The following TENM4 variants were observed in gnomAD, a reference collection of about 807,000 sequenced individuals.
TENM4 encodes teneurin transmembrane protein 4.
TENM4 carries 82 observed loss-of-function variants against 243.3 expected under a neutral mutation model. The ratio of observed to expected loss-of-function variants is 0.34; its 90% CI spans 0.28 to 0.40. The LOEUF (loss-of-function observed/expected upper bound fraction) is 0.40, where lower values mean the gene tolerates loss of function less well. Among genes scored for constraint, TENM4 ranks in the 10% least tolerant of loss-of-function variants. The pLI is 1.00. For synonymous variants in TENM4, 1,412 were observed against 1,456.3 expected (o/e 0.97, Z 0.69); for missense variants, 3,138 against 3,673.3 (o/e 0.85, Z 3.77).
intron 2 of TENM4, among the ~76,000 whole-genome samples, chr11:79,250,615 C>T (rs1855593703): frequency 6.6e-6 from 1 of 152,160 alleles, no homozygotes; most frequent in African/African-American, 2.4e-5. Context: ...GGTTTCCAGG[C>T]CTTAAAAAAA....
intron 2 of TENM4, among the ~76,000 whole-genome samples, chr11:79,234,753 A>G (rs1864432095): frequency 6.6e-6 from 1 of 152,244 alleles, no homozygotes; most frequent in Admixed American, 6.5e-5. Flanking sequence ...GTGGGAATGG[A>G]GGTGGGTTTA....
intron 6 of TENM4, among the ~76,000 whole-genome samples, chr11:78,972,931 A>G (rs1857576248): frequency 6.6e-6 from 1 of 152,200 alleles, no homozygotes; most frequent in African/African-American, 2.4e-5. Context: ...GGATCATATA[A>G]TATGTGCTCT....
intron 4 of TENM4, among the ~76,000 whole-genome samples, chr11:79,130,166 G>A (rs115190265): frequency 2.1e-3 from 316 of 152,190 alleles, no homozygotes; most frequent in African/African-American, 7.4e-3. Context: ...TTACAGGAGC[G>A]CACATCCATA....
rs182958685 is a variant in TENM4, at chr11:78,975,355, T to C, written c.494-71832A>G. On this transcript the variant is annotated intron_variant, in intron 6 of 33. Coordinates refer to ENST00000278550, the MANE Select transcript of TENM4 (RefSeq NM_001098816.3). ...GGGCTGATGGAAAGGCCAGTTTCCATGGGATGTGGGAGAGAGGAAACGCAC... is the reference window on the plus strand; with the variant it reads ...GGGCTGATGGAAAGGCCAGTTTCCACGGGATGTGGGAGAGAGGAAACGCAC... Among the ~76,000 whole-genome samples, 455 of 152,058 alleles carry C rather than the reference T, an allele frequency of 3.0e-3. 1 individual carries two copies. The highest frequency in any genetic ancestry group is 5.1e-3 in the Non-Finnish European group (344 of 67,972).
chr11:79,419,708 G>A (rs946938258), intron 1 of TENM4, among the ~76,000 whole-genome samples: 6 of 152,228 alleles, frequency 3.9e-5, no homozygotes, highest in Admixed American at 2.6e-4. Context: ...TTGTAAGGAG[G>A]TAAAGAGATT....
chr11:79,004,181 A>C (rs1858411905), intron 6 of TENM4, among the ~76,000 whole-genome samples: 1 of 152,226 alleles, frequency 6.6e-6, no homozygotes, highest in African/African-American at 2.4e-5. Context: ...GGGTAACCAG[A>C]TAATAATAGT....
intron 4 of TENM4, among the ~76,000 whole-genome samples, chr11:79,114,621 A>T (rs1339915484): frequency 6.6e-6 from 1 of 152,256 alleles, no homozygotes; most frequent in Admixed American, 6.5e-5. Context: ...ACTCAGAAGC[A>T]GCCATGCTTG....
At chr11:78,924,001 C>T (rs1301921383) in intron 6 of TENM4, among the ~76,000 whole-genome samples, 4 of 151,688 alleles carry the variant, frequency 2.6e-5, no homozygotes, top group African/African-American at 9.7e-5. Context: ...ATTACAGGTG[C>T]CTGCCACCAC....
At chr11:79,055,621 T>C (rs572483055) in intron 6 of TENM4, among the ~76,000 whole-genome samples, 14 of 152,258 alleles carry the variant, frequency 9.2e-5, no homozygotes, top group Non-Finnish European at 1.6e-4. Context: ...TTGAAAACAC[T>C]GTCCTGCTCT....
chr11:79,345,719 A>G (rs1215306884), intron 1 of TENM4, among the ~76,000 whole-genome samples: 1 of 152,218 alleles, frequency 6.6e-6, no homozygotes, highest in Non-Finnish European at 1.5e-5. Context: ...TACTTCATAC[A>G]TTATTGAGAA....
chr11:78,727,760 T>C (rs1321833334), intron 22 of TENM4, among the ~76,000 whole-genome samples: 1 of 152,208 alleles, frequency 6.6e-6, no homozygotes, highest in African/African-American at 2.4e-5. Flanking sequence ...GTCCTGTAAC[T>C]GGACTATGGA....
intron 21 of TENM4, among the ~76,000 whole-genome samples, chr11:78,730,606 T>A (rs943132161): frequency 6.6e-6 from 1 of 152,200 alleles, no homozygotes; most frequent in African/African-American, 2.4e-5. Flanking sequence ...TTTAAATGAA[T>A]GCCAGCATGC....
chr11:79,097,445 C>CGGGAA (rs1565202683), intron 4 of TENM4: 1 of 152,166 alleles, frequency 6.6e-6, no homozygotes, highest in African/African-American at 2.4e-5. Flanking sequence ...CCCCTGCCAG[C>CGGGAA]GTCCCCTCCC....
chr11:78,871,762 A>G (rs576358416), intron 9 of TENM4, among the ~76,000 whole-genome samples: 16 of 152,276 alleles, frequency 1.1e-4, no homozygotes, highest in African/African-American at 3.8e-4. Flanking sequence ...AGCACGGGCC[A>G]TGTCAGGCCA....
intron 7 of TENM4, among the ~76,000 whole-genome samples, chr11:78,893,859 C>CCAGGAAGTGAT (rs1270147792): frequency 6.7e-6 from 1 of 150,024 alleles, no homozygotes; most frequent in East Asian, 1.9e-4. Flanking sequence ...GAGCAAGGGG[C>CCAGGAAGTGAT]CAGGAAGTGA....
chr11:78,971,000 TTTTA>T (rs1190656764), intron 6 of TENM4, among the ~76,000 whole-genome samples: 2 of 151,960 alleles, frequency 1.3e-5, no homozygotes, highest in African/African-American at 2.4e-5. Flanking sequence ...GTTCTTTTTA[TTTTA>T]TTTATTTATT....
At chr11:79,381,640 G>T in intron 1 of TENM4, among the ~76,000 whole-genome samples, 2 of 150,926 alleles carry the variant, frequency 1.3e-5, no homozygotes, top group Non-Finnish European at 2.9e-5. Flanking sequence ...TGGGATATTT[G>T]AATTGGATGG....
intron 6 of TENM4, among the ~76,000 whole-genome samples, chr11:79,055,568 G>A (rs1283481025): frequency 6.6e-6 from 1 of 152,178 alleles, no homozygotes; most frequent in Non-Finnish European, 1.5e-5. Context: ...AAATGATGTT[G>A]CTGAGCTATA....
chr11:79,398,737 TAA>T lies in TENM4; in HGVS notation c.-321+41770_-321+41771del, dbSNP rs5792854. On this transcript the variant is annotated intron_variant, in intron 1 of 33. Coordinates refer to ENST00000278550, the MANE Select transcript of TENM4 (RefSeq NM_001098816.3). The stretch of plus-strand genomic sequence containing the variant: ...TGTGATAGAAGATAGTCAGATGCTT[TAA>T]AAAAAAAAAAAAAAAAAAAAGAGTG... 2.4e-3 allele frequency among the ~76,000 whole-genome samples: 251 copies of T among 102,762 alleles called. 2 individuals are homozygous for T. The highest frequency in any genetic ancestry group is 8.6e-3 in the African/African-American group (221 of 25,654). The allele number at this position is 102,762 out of a possible 152,430, so 67.4% of individuals were successfully genotyped here. A position where few individuals can be genotyped will look rare whatever the true frequency, so the allele number is the denominator to read the frequency against.
Sources: allele counts gnomAD v4.1 joint callset (sites outside exome capture counted in the v4.1 genomes callset), GRCh38; gene constraint gnomAD v4.1.1; transcripts MANE v1.5; gene names NCBI Gene and HGNC (gene_info 2026-07-23, HGNC 2026-07-21).